The following SLC1A7 variants were observed in gnomAD, a reference collection of about 807,000 sequenced individuals.
The protein encoded by SLC1A7 is solute carrier family 1 member 7.
In SLC1A7, 40 loss-of-function variants were observed where a neutral mutation model predicts 47.7. That is an observed-to-expected ratio of 0.84 (90% CI 0.65 to 1.09). SLC1A7 has a LOEUF of 1.09. Among genes scored for constraint, SLC1A7 ranks in the 50% least tolerant of loss-of-function variants. The pLI is 0.00. For missense variants in SLC1A7, 746 were observed against 769.5 expected (o/e 0.97, Z 0.36); for synonymous variants, 323 against 325.6 (o/e 0.99, Z 0.09).
chr1:53,120,835 G>C (rs1349972475), intron 2 of SLC1A7, among the ~76,000 whole-genome samples: 1 of 152,230 alleles, frequency 6.6e-6, no homozygotes, highest in Non-Finnish European at 1.5e-5. Context: ...TCCTGTGGAT[G>C]CTGCTCAGCT....
intron 6 of SLC1A7, 53 bp from the exon 7 acceptor site, chr1:53,092,840 G>C (rs1025555546): frequency 8.2e-5 from 99 of 1,205,674 alleles, no homozygotes; most frequent in Non-Finnish European, 1.1e-4. Context: ...GACACACCCC[G>C]GCCCCAGCCC....
At chr1:53,113,296 G>C (rs1464567679) in intron 3 of SLC1A7, among the ~76,000 whole-genome samples, 2 of 152,050 alleles carry the variant, frequency 1.3e-5, no homozygotes, top group African/African-American at 4.8e-5. Context: ...TGTCCTGCAA[G>C]AGCCCCTCTG....
At chr1:53,093,679 C>G (rs957825139) in intron 5 of SLC1A7, 119 bp from the exon 6 acceptor site, 12 of 684,874 alleles carry the variant, frequency 1.8e-5, no homozygotes, top group African/African-American at 8.9e-5. Flanking sequence ...CCACTCCCCC[C>G]ACTCTCTCTC....
chr1:53,133,830 C>T (rs1469296972), intron 2 of SLC1A7, among the ~76,000 whole-genome samples: 5 of 141,478 alleles, frequency 3.5e-5, no homozygotes, highest in Non-Finnish European at 6.1e-5. Context: ...TCCCCAAGTC[C>T]CAACCTCCTG....
chr1:53,140,147 C>T (rs1379752711), intron 1 of SLC1A7, among the ~76,000 whole-genome samples: 1 of 152,212 alleles, frequency 6.6e-6, no homozygotes, highest in Admixed American at 6.5e-5. Flanking sequence ...AAGCCAGTTT[C>T]TGCCAAATAA....
chr1:53,114,908 G>A lies in SLC1A7; in HGVS notation c.281C>T (p.Ala94Val), dbSNP rs1373611400. Reference protein sequence around the residue: ...TSSRLGVLTVAYYLWTTFMAV... With the variant: ...TSSRLGVLTVVYYLWTTFMAV... ...CATGAAGGTGGTCCACAGGTAGTAC[G>A]CCACGGTGAGGACGCCCAGGCGGCT... Residue 94 changes from alanine to valine, a missense_variant, in exon 3 of 11, where the codon GCG becomes GTG. Ala to Val is a moderately conservative substitution (Grantham distance 64). Transcript: ENST00000371494. The A allele has an allele frequency of 1.9e-6, 3 of 1,614,040 alleles. No individual in the cohort carries two copies. Among genetic ancestry groups the A allele is most frequent in the East Asian group, 2.2e-5 (1 of 44,884 alleles).
chr1:53,122,401 G>T (rs546961044), intron 2 of SLC1A7, among the ~76,000 whole-genome samples: 2 of 152,348 alleles, frequency 1.3e-5, no homozygotes, highest in African/African-American at 4.8e-5. Context: ...GCTGCAGGAA[G>T]TCTACCAGAC....
chr1:53,093,682 T>TCA (rs1341153761), intron 5 of SLC1A7, 122 bp from the exon 6 acceptor site: 1 of 644,010 alleles, frequency 1.6e-6, no homozygotes, highest in African/African-American at 2.1e-5. Flanking sequence ...CTCCCCCCAC[T>TCA]CTCTCTCTCC....
intron 5 of SLC1A7, among the ~76,000 whole-genome samples, chr1:53,099,741 C>A (rs1203884349): frequency 7.5e-6 from 1 of 132,998 alleles, no homozygotes; most frequent in East Asian, 2.4e-4. Flanking sequence ...CTCCTTGTTA[C>A]ACACACACCT....
At chr1:53,121,717 A>G (rs1434178627) in intron 2 of SLC1A7, among the ~76,000 whole-genome samples, 1 of 152,172 alleles carries the variant, frequency 6.6e-6, no homozygotes, top group East Asian at 1.9e-4. Flanking sequence ...CTTGGCTTCC[A>G]CAGCTTGGAG....
intron 3 of SLC1A7, among the ~76,000 whole-genome samples, chr1:53,111,910 C>T (rs909212171): frequency 9.9e-5 from 15 of 152,148 alleles, no homozygotes; most frequent in Non-Finnish European, 1.8e-4. Context: ...GTGACAGCCA[C>T]GCGATAGGAA....
chr1:53,093,087 G>A (rs1027156553), intron 6 of SLC1A7, among the ~76,000 whole-genome samples: 5 of 152,198 alleles, frequency 3.3e-5, no homozygotes, highest in African/African-American at 4.8e-5. Flanking sequence ...CTCCCTCTGC[G>A]TTCCCCACTG....
chr1:53,117,103 A>C (rs2150335111), intron 2 of SLC1A7, among the ~76,000 whole-genome samples: 2 of 152,272 alleles, frequency 1.3e-5, no homozygotes, highest in Middle Eastern at 6.8e-3. Flanking sequence ...GGCTCCCTGG[A>C]GGAGGTGGCA....
At chr1:53,141,637 C>T (rs1156959884) in intron 1 of SLC1A7, among the ~76,000 whole-genome samples, 1 of 151,182 alleles carries the variant, frequency 6.6e-6, no homozygotes, top group Non-Finnish European at 1.5e-5. Flanking sequence ...CACATCCAAT[C>T]GGCCCCCACA....
intron 5 of SLC1A7, among the ~76,000 whole-genome samples, chr1:53,098,698 C>T (rs1322370537): frequency 1.3e-5 from 2 of 151,610 alleles, no homozygotes; most frequent in Non-Finnish European, 2.9e-5. Context: ...TCAGTACACT[C>T]ACATAACTGG....
chr1:53,140,466 TA>T (rs5774137), intron 1 of SLC1A7, among the ~76,000 whole-genome samples: 62 of 147,088 alleles, frequency 4.2e-4, no homozygotes, highest in Admixed American at 1.0e-3. Flanking sequence ...ACGTTTTGGT[TA>T]AAAAAAAAAA....
chr1:53,136,792 G>A (rs111985904), intron 1 of SLC1A7, among the ~76,000 whole-genome samples: 11,980 of 150,310 alleles, frequency 0.08, 582 homozygotes, highest in African/African-American at 0.13. Context: ...TCAGGCTCCC[G>A]AGTAGCTGAG....
chr1:53,110,033 C>T (rs1644685831), intron 3 of SLC1A7, among the ~76,000 whole-genome samples: 1 of 152,238 alleles, frequency 6.6e-6, no homozygotes, highest in Non-Finnish European at 1.5e-5. Flanking sequence ...ATTCCCAAAG[C>T]CTAACAGCCA....
Position 53,142,529 on chromosome 1 carries a change from A to AG in SLC1A7, c.-81dup. The AG allele has an allele frequency of 6.6e-7, 1 of 1,507,688 alleles. No individual in the cohort carries two copies. The highest frequency in any genetic ancestry group is 8.9e-7 in the Non-Finnish European group (1 of 1,118,496). The allele number at this position is 1,507,688 out of a possible 1,614,324, so 93.4% of individuals were successfully genotyped here. A position where few individuals can be genotyped will look rare whatever the true frequency, so the allele number is the denominator to read the frequency against. ...GGCCGGGGGCACAGGGTCTGGGCTG[A>AG]GGGCTCTAGCCCCTCAGCAGGCAGG... On this transcript the variant is annotated 5_prime_UTR_variant, in exon 1 of 11. Coordinates refer to ENST00000371494, the MANE Select transcript of SLC1A7 (RefSeq NM_006671.6).
Sources: gnomAD v4.1 joint callset for allele counts (sites outside exome capture counted in the v4.1 genomes callset) on GRCh38, gnomAD v4.1.1 for gene constraint, MANE v1.5 for transcripts, NCBI Gene and HGNC (gene_info 2026-07-23, HGNC 2026-07-21) for gene names.